STAM2: variants seen among roughly 807,000 people sequenced by gnomAD.
STAM2 encodes the protein signal transducing adaptor molecule 2, also known as signal transducing adapter molecule 2.
In STAM2, 51 loss-of-function variants were observed where a neutral mutation model predicts 65.6. The ratio of observed to expected loss-of-function variants is 0.78; its 90% CI spans 0.62 to 0.98. The LOEUF (loss-of-function observed/expected upper bound fraction) is 0.98, where lower values mean the gene tolerates loss of function less well. Among genes scored for constraint, STAM2 ranks in the 50% least tolerant of loss-of-function variants. The pLI, the probability that STAM2 is intolerant of heterozygous loss-of-function variation, is 0.00. For synonymous variants in STAM2, 198 were observed against 208.4 expected (o/e 0.95, Z 0.43); for missense variants, 584 against 617.8 (o/e 0.95, Z 0.58).
intron 1 of STAM2, among the ~76,000 whole-genome samples, chr2:152,152,201 A>G (rs1028861519): frequency 6.6e-6 from 1 of 151,882 alleles, no homozygotes; most frequent in South Asian, 2.1e-4. Context: ...TCGGCCTCCC[A>G]AAGTGCTGAG....
At chr2:152,166,780 T>C (rs1308433867) in intron 1 of STAM2, among the ~76,000 whole-genome samples, 1 of 152,202 alleles carries the variant, frequency 6.6e-6, no homozygotes, top group Non-Finnish European at 1.5e-5. Context: ...GATCTTTTTT[T>C]AGAAGAGAAG....
chr2:152,152,204 G>T (rs1208164185), intron 1 of STAM2, among the ~76,000 whole-genome samples: 3 of 152,074 alleles, frequency 2.0e-5, no homozygotes, highest in Non-Finnish European at 2.9e-5. Flanking sequence ...GCCTCCCAAA[G>T]TGCTGAGATT....
chr2:152,173,620 C>A (rs1024152297), intron 1 of STAM2, among the ~76,000 whole-genome samples: 1 of 152,016 alleles, frequency 6.6e-6, no homozygotes, highest in African/African-American at 2.4e-5. Flanking sequence ...TGGTCTCAAA[C>A]TCCCGACCTC....
At chr2:152,130,312 C>T (rs1432886321) in intron 11 of STAM2, among the ~76,000 whole-genome samples, 1 of 151,860 alleles carries the variant, frequency 6.6e-6, no homozygotes, top group East Asian at 2.0e-4. Context: ...AGTGCAGTGG[C>T]GAGATCTCGG....
rs1168377012 is a variant in STAM2, at chr2:152,118,528, A to G, written c.*2046T>C. The G allele has an allele frequency of 6.6e-6, 1 of 150,826 alleles. No homozygotes were observed. Among genetic ancestry groups the G allele is most frequent in the African/African-American group, 2.4e-5 (1 of 41,176 alleles). 9.3% of individuals were successfully genotyped at this position (150,826 alleles called of 1,614,324 possible). On this transcript the variant is annotated 3_prime_UTR_variant, in exon 14 of 14. Coordinates refer to ENST00000263904, the MANE Select transcript of STAM2 (RefSeq NM_005843.6). ...GCTGATCCCAATTTAGTGGGTGTGC[A>G]GTAATTATATTGGCTCAAAGACATG...
chr2:152,137,960 T>C (rs1330671318), intron 7 of STAM2, among the ~76,000 whole-genome samples: 1 of 152,190 alleles, frequency 6.6e-6, no homozygotes, highest in Non-Finnish European at 1.5e-5. Context: ...GTTGCAATAG[T>C]CCATGTATCT....
chr2:152,150,026 C>G (rs1689412640), intron 2 of STAM2, 119 bp downstream of exon 2: 3 of 684,060 alleles, frequency 4.4e-6, no homozygotes, highest in Admixed American at 2.7e-5. Flanking sequence ...CAGTTTAAAT[C>G]TGTGTTGTTC....
At chr2:152,127,356 C>T (rs1021902390) in intron 11 of STAM2, among the ~76,000 whole-genome samples, 3 of 152,094 alleles carry the variant, frequency 2.0e-5, no homozygotes, top group African/African-American at 4.8e-5. Context: ...TTCATAATTT[C>T]GGTGCTGAGA....
In STAM2 at chr2:152,148,056, CA is replaced by C; in HGVS notation, c.267del (p.Phe89LeufsTer8). 6.2e-7 allele frequency: 1 copy of C among 1,610,366 alleles called. No homozygotes were observed. The highest frequency in any genetic ancestry group is 8.5e-7 in the Non-Finnish European group (1 of 1,178,230). ...IFHLEVCSRD[F>X]ATEVRAVIKN... ...TTAATCACAGCACGTACTTCTGTTG[CA>C]AAATCACGGGAACATACTTCTAAAT... On this transcript the variant is annotated frameshift_variant, in exon 4 of 14. Transcript: ENST00000263904. LOFTEE classifies it high-confidence loss of function.
chr2:152,121,388 T>G lies in STAM2; in HGVS notation c.1350-586A>C, dbSNP rs535344476. 2.6e-5 allele frequency among the ~76,000 whole-genome samples: 4 copies of G among 152,268 alleles called. No individual in the cohort carries two copies. The East Asian group carries it at 7.7e-4, about 29-fold the overall frequency. ...CTCCAGAATCTCTAACTAAAAACAT[T>G]CAGAAACCACCTGAGGAGATGCAAA... On this transcript the variant is annotated intron_variant, in intron 13 of 13. Transcript: ENST00000263904.
At chr2:152,167,515 C>T (rs1190879031) in intron 1 of STAM2, among the ~76,000 whole-genome samples, 1 of 152,206 alleles carries the variant, frequency 6.6e-6, no homozygotes, top group Non-Finnish European at 1.5e-5. Context: ...TAATATCCTT[C>T]TCACCCATGG....
Position 152,139,445 on chromosome 2 carries a change from T to C in STAM2, c.705-3842A>G, listed in dbSNP as rs181325277. On this transcript the variant is annotated intron_variant, in intron 7 of 13. Transcript: ENST00000263904. ...TCTAGCACAAAGCTGTAGTCCCAGC[T>C]ACCCAGGAGGCTGAGGGAGGAGGCC... is the stretch of plus-strand genomic sequence containing the variant. Among the ~76,000 whole-genome samples, 512 of 152,306 alleles carry C rather than the reference T, an allele frequency of 3.4e-3. 3 individuals carry two copies. The highest frequency in any genetic ancestry group is 0.012 in the African/African-American group (494 of 41,576).
At chr2:152,137,131 G>A (rs1018757880) in intron 7 of STAM2, among the ~76,000 whole-genome samples, 2 of 151,764 alleles carry the variant, frequency 1.3e-5, no homozygotes, top group East Asian at 1.9e-4. Flanking sequence ...TAAGTGATCC[G>A]CCTGCCTCAG....
intron 10 of STAM2, among the ~76,000 whole-genome samples, chr2:152,132,521 A>G (rs1268088327): frequency 1.3e-5 from 2 of 152,178 alleles, no homozygotes; most frequent in Non-Finnish European, 2.9e-5. Context: ...ACCTTTGCCC[A>G]TCAGATATGA....
chr2:152,150,843 G>A (rs558734085), intron 1 of STAM2, among the ~76,000 whole-genome samples: 2 of 152,140 alleles, frequency 1.3e-5, no homozygotes, highest in South Asian at 4.1e-4. Context: ...AAGTAAATAT[G>A]CACTACACTG....
At chr2:152,162,949 T>G (rs1689712347) in intron 1 of STAM2, among the ~76,000 whole-genome samples, 1 of 152,186 alleles carries the variant, frequency 6.6e-6, no homozygotes, top group Non-Finnish European at 1.5e-5. Flanking sequence ...CATGAGCCAC[T>G]GTGCCTGGTC....
intron 7 of STAM2, 80 bp from the exon 8 acceptor site, chr2:152,135,683 A>T (rs1689140487): frequency 5.3e-6 from 5 of 951,512 alleles, no homozygotes; most frequent in African/African-American, 1.7e-5. Flanking sequence ...AATTAAATTT[A>T]GCCTCCTTTG....
rs1689350004 is a variant in STAM2 at position 152,147,108 on chromosome 2, T to C, written c.447+54A>G. ...TACCTTGCCTAGTCTTTACATAACA[T>C]ACATACCTTCAAAATATTATAGGGT... On this transcript the variant is annotated intron_variant, in intron 5 of 13. Transcript: ENST00000263904. 2.0e-6 allele frequency: 3 copies of C among 1,510,524 alleles called. No homozygotes were observed. The African/African-American group carries it at 4.3e-5, about 21-fold the overall frequency. The allele number at this position is 1,510,524 out of a possible 1,614,324, so 93.6% of individuals were successfully genotyped here.
chr2:152,123,904 T>C lies in STAM2; in HGVS notation c.1211A>G (p.Tyr404Cys), dbSNP rs754854675. 1.9e-6 allele frequency: 3 copies of C among 1,614,048 alleles called. No individual in the cohort carries two copies. The highest frequency in any genetic ancestry group is 1.3e-5 in the African/African-American group (1 of 74,938). The change falls in exon 13 of 14, where the codon TAT becomes TGT. Residue 404 changes from tyrosine (Y) to cysteine (C), a missense_variant. Transcript: ENST00000263904. ...TACTTGGTGAATGCTCTGACCCATATAGTTTCCACCATGTGATTGAACTGG... is the reference window on the plus strand; with the variant it reads ...TACTTGGTGAATGCTCTGACCCATACAGTTTCCACCATGTGATTGAACTGG... The part of the protein sequence containing the change: ...TYPVQSHGGN[Y>C]MGQSIHQVTV...
Sources: gnomAD v4.1 joint callset for allele counts (sites outside exome capture counted in the v4.1 genomes callset) on GRCh38, gnomAD v4.1.1 for gene constraint, MANE v1.5 for transcripts, NCBI Gene and HGNC (gene_info 2026-07-23, HGNC 2026-07-21) for gene names.